The following LIMS1 variants were observed in gnomAD, a reference collection of about 807,000 sequenced individuals.
LIMS1 encodes the protein LIM zinc finger domain containing 1, also known as LIM and senescent cell antigen-like-containing domain protein 1.
Under a neutral mutation model 44.1 loss-of-function variants are expected in LIMS1, and 18 were observed. The observed-to-expected ratio is 0.41, with a 90% CI of 0.28 to 0.61. The LOEUF is 0.61. Ranked by LOEUF, LIMS1 falls within the 20% of genes least tolerant of loss-of-function variation. The pLI is 0.32. For missense variants in LIMS1, 201 were observed against 422.0 expected, an observed-to-expected ratio of 0.48 and a Z score of 4.59; for synonymous variants, 93 against 149.1, an observed-to-expected ratio of 0.62 and a Z score of 2.74.
intron 1 of LIMS1, among the ~76,000 whole-genome samples, chr2:108,569,265 A>G (rs1352159242): frequency 6.6e-6 from 1 of 152,140 alleles, no homozygotes; most frequent in Non-Finnish European, 1.5e-5. Flanking sequence ...ATGATTTGCA[A>G]ATATTTTCTC....
chr2:108,554,438 G>C (rs1684855204), intron 1 of LIMS1, among the ~76,000 whole-genome samples: 1 of 152,314 alleles, frequency 6.6e-6, no homozygotes, highest in African/African-American at 2.4e-5. Flanking sequence ...TAGTGCTACT[G>C]AAGGACAGTC....
intron 1 of LIMS1, among the ~76,000 whole-genome samples, chr2:108,653,984 GCAAT>G (rs1037760943): frequency 1.7e-4 from 25 of 148,340 alleles, no homozygotes; most frequent in African/African-American, 5.2e-4. Context: ...GGCAGAGGAA[GCAAT>G]CAGTTATGCA....
At chr2:108,600,702 G>T (rs1456498769) in intron 1 of LIMS1, among the ~76,000 whole-genome samples, 1 of 152,032 alleles carries the variant, frequency 6.6e-6, no homozygotes, top group African/African-American at 2.4e-5. Flanking sequence ...TTTGTTTCTG[G>T]GTTCTCTATT....
At chr2:108,574,837 G>T (rs1276105156) in intron 1 of LIMS1, among the ~76,000 whole-genome samples, 3 of 152,144 alleles carry the variant, frequency 2.0e-5, no homozygotes, top group African/African-American at 7.2e-5. Context: ...GGTGAAGGAA[G>T]CTTTTGGAGA....
chr2:108,574,137 A>G (rs1176460504), intron 1 of LIMS1, among the ~76,000 whole-genome samples: 1 of 152,118 alleles, frequency 6.6e-6, no homozygotes, highest in Non-Finnish European at 1.5e-5. Flanking sequence ...ATATTTTTCA[A>G]GGCTTTAAGT....
chr2:108,610,752 C>G (rs938686040), intron 1 of LIMS1, among the ~76,000 whole-genome samples: 1 of 152,240 alleles, frequency 6.6e-6, no homozygotes, highest in African/African-American at 2.4e-5. Context: ...TGTTAAGTCT[C>G]TCTTAATCTG....
At chr2:108,551,833 CACA>C (rs1312454875) in intron 1 of LIMS1, among the ~76,000 whole-genome samples, 1 of 142,862 alleles carries the variant, frequency 7.0e-6, no homozygotes, top group Non-Finnish European at 1.5e-5. Context: ...TACATATATA[CACA>C]TATACTGTAT....
At chr2:108,542,653 T>C (rs1684352234) in intron 1 of LIMS1, among the ~76,000 whole-genome samples, 1 of 152,204 alleles carries the variant, frequency 6.6e-6, no homozygotes, top group South Asian at 2.1e-4. Flanking sequence ...GCTTATATCA[T>C]CTTATTGCCA....
At chr2:108,534,404 C>T in exon 1 of LIMS1, 1 of 361,044 alleles carries the variant, frequency 2.8e-6, no homozygotes, top group Non-Finnish European at 4.5e-6. Context: ...CCTCGCCTTC[C>T]CCCCCCTCCC....
intron 9 of LIMS1, chr2:108,681,577 GTGT>G (rs1692997432): frequency 1.0e-6 from 1 of 958,560 alleles, no homozygotes; most frequent in Non-Finnish European, 1.2e-6. Context: ...TAAATTATAA[GTGT>G]TGTTTGATAT....
intron 1 of LIMS1, among the ~76,000 whole-genome samples, chr2:108,546,587 G>C (rs549175786): frequency 6.6e-6 from 1 of 151,888 alleles, no homozygotes; most frequent in East Asian, 1.9e-4. Flanking sequence ...TTGGCTGATT[G>C]GCATTCCATC....
chr2:108,552,240 C>A (rs1684771715), intron 1 of LIMS1, among the ~76,000 whole-genome samples: 1 of 138,786 alleles, frequency 7.2e-6, no homozygotes, highest in African/African-American at 2.7e-5. Context: ...GTTATATATA[C>A]TATATATACT....
At chr2:108,651,405 C>T (rs1316122079) in intron 1 of LIMS1, among the ~76,000 whole-genome samples, 1 of 152,262 alleles carries the variant, frequency 6.6e-6, no homozygotes, top group Non-Finnish European at 1.5e-5. Context: ...CCTCCCAACT[C>T]CCAGTAGGAT....
intron 1 of LIMS1, chr2:108,588,714 ACT>A (rs1417295682): frequency 4.8e-6 from 3 of 625,578 alleles, no homozygotes; most frequent in Non-Finnish European, 6.0e-6. Context: ...ATTTGTTGAA[ACT>A]CTCTATGCAG....
intron 1 of LIMS1, among the ~76,000 whole-genome samples, chr2:108,604,156 T>C (rs1435273524): frequency 1.3e-5 from 2 of 152,218 alleles, no homozygotes; most frequent in East Asian, 3.8e-4. Flanking sequence ...CCTCTTGTTA[T>C]TTATTTCTAG....
chr2:108,580,158 T>C (rs939071079), intron 1 of LIMS1, among the ~76,000 whole-genome samples: 1 of 152,200 alleles, frequency 6.6e-6, no homozygotes, highest in Non-Finnish European at 1.5e-5. Flanking sequence ...CTTACAGGTC[T>C]CTGAGAAGGG....
exon 1 of LIMS1, chr2:108,534,509 G>T: frequency 2.5e-6 from 3 of 1,186,340 alleles, no homozygotes; most frequent in Non-Finnish European, 3.2e-6. Flanking sequence ...GACGCGGCTG[G>T]AGCGGCGCCG....
At chr2:108,665,929 G>T (rs1276626890) in intron 2 of LIMS1, among the ~76,000 whole-genome samples, 1 of 152,158 alleles carries the variant, frequency 6.6e-6, no homozygotes, top group African/African-American at 2.4e-5. Flanking sequence ...AAGAACATTG[G>T]TAAGAAATTG....
At position 108,597,894 on chromosome 2, in the gene LIMS1, A is replaced by G. The variant is rs1300244334; in HGVS notation, c.33-61711A>G. The stretch of plus-strand genomic sequence containing the variant: ...TTTTTAGTAGAGACGGGGTTTCACT[A>G]TGTTGGCAAGGCTGGTCTTGAACTC... On this transcript the variant is annotated intron_variant, in intron 1 of 9. Coordinates refer to ENST00000544547, the Ensembl canonical transcript of LIMS1. Among the ~76,000 whole-genome samples the G allele has an allele frequency of 4.6e-5, 7 of 151,926 alleles. 2 individuals are homozygous for G. The highest frequency in any genetic ancestry group is 1.7e-4 in the African/African-American group (7 of 41,428).
Sources: allele counts gnomAD v4.1 joint callset (sites outside exome capture counted in the v4.1 genomes callset), GRCh38; gene constraint gnomAD v4.1.1; transcripts MANE v1.5; gene names NCBI Gene and HGNC (gene_info 2026-07-23, HGNC 2026-07-21).